TRPM8: variants seen among roughly 807,000 people sequenced by gnomAD.
TRPM8 encodes transient receptor potential cation channel subfamily M member 8, also known as TRPM8 cationic channel.
In TRPM8, 110 loss-of-function variants were observed where a neutral mutation model predicts 133.7. The observed-to-expected ratio is 0.82, with a 90% CI of 0.70 to 0.96. TRPM8 has a LOEUF of 0.96. Ranked by LOEUF, TRPM8 falls within the 40% of genes least tolerant of loss-of-function variation. The pLI, the probability that TRPM8 is intolerant of heterozygous loss-of-function variation, is 0.00. For missense variants in TRPM8, 1,291 were observed against 1,379.5 expected, an observed-to-expected ratio of 0.94 and a Z score of 1.02; for synonymous variants, 535 against 532.3, an observed-to-expected ratio of 1.01 and a Z score of -0.07.
At chr2:233,994,694 T>C (rs988124454) in intron 21 of TRPM8, among the ~76,000 whole-genome samples, 1 of 152,236 alleles carries the variant, frequency 6.6e-6, no homozygotes. Flanking sequence ...TCCGACATTT[T>C]TTTTTGCTTA....
chr2:233,963,301 G>C lies in TRPM8; in HGVS notation c.1673G>C (p.Arg558Pro), dbSNP rs201115161. Residue 558 changes from arginine to proline, a missense_variant, in exon 13 of 26, where the codon CGG (arginine) becomes CCG (proline). Coordinates refer to ENST00000324695, the MANE Select transcript of TRPM8 (RefSeq NM_024080.5). ...IELHDVSPIT[R>P]HPLQALFIWA... ...CCCCAGGACGTGTCTCCTATTACTC[G>C]GCACCCCCTGCAAGCTCTCTTCATC... 25 of 1,612,596 alleles carry C rather than the reference G, an allele frequency of 1.6e-5. No homozygotes were observed. The highest frequency in any genetic ancestry group is 2.0e-5 in the Non-Finnish European group (24 of 1,179,278).
At chr2:234,011,802 A>T (rs1470089764) in intron 24 of TRPM8, among the ~76,000 whole-genome samples, 2 of 150,874 alleles carry the variant, frequency 1.3e-5, no homozygotes, top group African/African-American at 2.4e-5. Context: ...CTGTAGTCCC[A>T]GCTACTCTGG....
intron 17 of TRPM8, among the ~76,000 whole-genome samples, chr2:233,974,702 T>G (rs1012147963): frequency 6.6e-6 from 1 of 151,976 alleles, no homozygotes; most frequent in Non-Finnish European, 1.5e-5. Flanking sequence ...TTGAGCTCTG[T>G]GGGGGCAGCA....
chr2:233,938,912 T>G, intron 4 of TRPM8, 86 bp from the exon 5 acceptor site: 3 of 1,432,288 alleles, frequency 2.1e-6, no homozygotes, highest in Non-Finnish European at 2.9e-6. Context: ...CAGGCAAGCG[T>G]GGGCTTGGAA....
chr2:233,927,855 T>TCTTC lies in TRPM8; in HGVS notation c.117+1204_117+1205insCCTT, dbSNP rs1574690596. Among the ~76,000 whole-genome samples, 5 of 39,120 alleles carry TCTTC rather than the reference T, an allele frequency of 1.3e-4. 1 individual carries two copies. Among genetic ancestry groups the TCTTC allele is most frequent in the Non-Finnish European group, 1.8e-4 (4 of 21,926 alleles). 25.7% of individuals were successfully genotyped at this position (39,120 alleles called of 152,430 possible). A position where few individuals can be genotyped will look rare whatever the true frequency, so the allele number is the denominator to read the frequency against. Reference sequence around the variant, plus strand: ...TCCTTCCTTCCTTCCTTCCTTCCTTTCTTTCTCTTTCTTTCTTTCTTTCTT... The same window carrying TCTTC: ...TCCTTCCTTCCTTCCTTCCTTCCTTTCTTCCTTTCTCTTTCTTTCTTTCTTTCTT... On this transcript the variant is annotated intron_variant, in intron 2 of 25. Transcript: ENST00000324695.
At chr2:233,972,165 C>T (rs1465529533) in intron 17 of TRPM8, among the ~76,000 whole-genome samples, 2 of 151,908 alleles carry the variant, frequency 1.3e-5, no homozygotes, top group Non-Finnish European at 2.9e-5. Context: ...TACAGAGTGA[C>T]GATTGGTGTA....
intron 17 of TRPM8, among the ~76,000 whole-genome samples, chr2:233,974,239 G>T (rs1406663613): frequency 5.3e-5 from 8 of 151,640 alleles, no homozygotes; most frequent in Non-Finnish European, 1.5e-5. Flanking sequence ...TAGTTTTTTT[G>T]TTGTTTTTTT....
At chr2:233,966,342 G>C (rs914353466) in intron 14 of TRPM8, among the ~76,000 whole-genome samples, 4 of 152,070 alleles carry the variant, frequency 2.6e-5, no homozygotes, top group Admixed American at 6.6e-5. Flanking sequence ...TCAAAGAGAG[G>C]GGCTCCCTCT....
intron 15 of TRPM8, among the ~76,000 whole-genome samples, chr2:233,968,820 T>C (rs1350700634): frequency 6.6e-6 from 1 of 152,098 alleles, no homozygotes; most frequent in Non-Finnish European, 1.5e-5. Context: ...AATTTCCACC[T>C]TTGTGAAAGT....
Position 233,930,754 on chromosome 2 carries a change from T to G in TRPM8, c.191+13T>G. 6.3e-7 allele frequency: 1 copy of G among 1,589,810 alleles called. No individual in the cohort carries two copies. The highest frequency in any genetic ancestry group is 2.2e-5 in the East Asian group (1 of 44,454). On this transcript the variant is annotated intron_variant, in intron 3 of 25. Transcript: ENST00000324695. The stretch of plus-strand genomic sequence containing the variant: ...ATTCCAAGGCCACGTAAGCTACTAT[T>G]TTCCCTCCAGTTTTGCTTTCCAAGT...
rs1055510155 is a variant in TRPM8 at position 233,947,455 on chromosome 2, A to G, written c.942+300A>G. On this transcript the variant is annotated intron_variant, in intron 8 of 25. Transcript: ENST00000324695. ...GAGACTTAAAGATTGTAACCGGCAT[A>G]TATATTAGAAAGCTATGGCCAACCT... 2.1e-5 allele frequency: 29 copies of G among 1,386,444 alleles called. No homozygotes were observed. The African/African-American group carries it at 3.3e-4, about 16-fold the overall frequency. The allele number at this position is 1,386,444 out of a possible 1,614,324, so 85.9% of individuals were successfully genotyped here. A position where few individuals can be genotyped will look rare whatever the true frequency, so the allele number is the denominator to read the frequency against.
At chr2:233,918,986 A>C (rs911076320) in intron 1 of TRPM8, among the ~76,000 whole-genome samples, 9 of 152,110 alleles carry the variant, frequency 5.9e-5, no homozygotes, top group Non-Finnish European at 1.2e-4. Flanking sequence ...AGTATGAACA[A>C]GTTTTTCCTC....
Position 233,942,561 on chromosome 2 carries a change from C to G in TRPM8, c.527-15C>G. On this transcript the variant is annotated splice_polypyrimidine_tract_variant and intron_variant, in intron 5 of 25. Transcript: ENST00000324695. ...CAGTGCCACTTGACCATTTACTCTT[C>G]CTATTTGTTGACAGGTGCTTGGATT... 6.2e-7 allele frequency: 1 copy of G among 1,614,044 alleles called. No individual in the cohort carries two copies.
Position 234,016,573 on chromosome 2 carries a change from A to G in TRPM8, c.*43-726A>G, listed in dbSNP as rs541149077. Among the ~76,000 whole-genome samples, 9 of 152,246 alleles carry G rather than the reference A, an allele frequency of 5.9e-5. No homozygotes were observed. The South Asian group carries it at 1.9e-3, about 32-fold the overall frequency. ...TGGAAACCGTTTGACCTAGGCGAGG[A>G]GCTGACCCTGGGGGCAAGCCTGTAC... On this transcript the variant is annotated intron_variant, in intron 25 of 25. Transcript: ENST00000324695.
In TRPM8 at chr2:233,963,388, A is replaced by C; in HGVS notation, c.1749+11A>C. 8 of 1,558,918 alleles carry C rather than the reference A, an allele frequency of 5.1e-6. No individual in the cohort carries two copies. Among genetic ancestry groups the C allele is most frequent in the Non-Finnish European group, 7.1e-6 (8 of 1,132,270 alleles). On this transcript the variant is annotated intron_variant, in intron 13 of 25. Transcript: ENST00000324695. ...GTCATTTGGGAGCAGGTAAGTGCCC[A>C]AGCCCACATCAGATTTACACCAAAT...
intron 1 of TRPM8, among the ~76,000 whole-genome samples, chr2:233,920,903 C>A (rs1016176206): frequency 2.0e-5 from 3 of 147,036 alleles, no homozygotes; most frequent in Non-Finnish European, 3.0e-5. Context: ...GTTGCCCAGG[C>A]TGGAGTGCAA....
In TRPM8 at chr2:234,014,672, C is replaced by T. The variant is rs1207709797; in HGVS notation, c.*42+18C>T. ...ATAGCAAGGTGAGTCATTCTAATAGCTTTTTACTTTGCTCTGAAGATTTGC... is the reference window on the plus strand; with the variant it reads ...ATAGCAAGGTGAGTCATTCTAATAGTTTTTTACTTTGCTCTGAAGATTTGC... On this transcript the variant is annotated intron_variant, in intron 25 of 25. Coordinates refer to ENST00000324695, the MANE Select transcript of TRPM8 (RefSeq NM_024080.5). 4 of 903,720 alleles carry T rather than the reference C, an allele frequency of 4.4e-6. No homozygotes were observed. In the East Asian group the frequency reaches 1.2e-4, roughly 27 times the overall value. 56.0% of individuals were successfully genotyped at this position (903,720 alleles called of 1,614,324 possible). A position where few individuals can be genotyped will look rare whatever the true frequency, so the allele number is the denominator to read the frequency against.
chr2:233,947,632 A>G, intron 8 of TRPM8: 1 of 1,286,178 alleles, frequency 7.8e-7, no homozygotes, highest in Middle Eastern at 2.1e-4. Flanking sequence ...GAGATCATGG[A>G]AACTTCTTGA....
chr2:233,964,682 G>A lies in TRPM8; in HGVS notation c.1804G>A (p.Ala602Thr). The A allele has an allele frequency of 2.5e-6, 4 of 1,612,804 alleles. No individual in the cohort carries two copies. Among genetic ancestry groups the A allele is most frequent in the Non-Finnish European group, 3.4e-6 (4 of 1,179,054 alleles). The change falls in exon 14 of 26, where the codon GCC (alanine) becomes ACC (threonine). Residue 602 changes from alanine (A) to threonine (T), a missense_variant. Physicochemically the swap from Ala to Thr is moderately conservative, Grantham distance 58 (BLOSUM62 0). Around this residue, in one of 2 missense-constraint regions of TRPM8, gnomAD observed 963 missense variants for 968.9 expected, o/e 0.99. Transcript: ENST00000324695. ...AGCCAGCAAGCTTCTGAAGACTCTG[G>A]CCAAAGTGAAGAACGACATCAATGC... ...LGASKLLKTL[A>T]KVKNDINAAG...
Sources: allele counts gnomAD v4.1 joint callset (sites outside exome capture counted in the v4.1 genomes callset), GRCh38; gene constraint gnomAD v4.1.1; regional missense constraint gnomAD v4.1.1; transcripts MANE v1.5; gene names NCBI Gene and HGNC (gene_info 2026-07-23, HGNC 2026-07-21).